Variants in LDLRAD4 observed in about 807,000 individuals in gnomAD.
LDLRAD4 encodes low-density lipoprotein receptor class A domain-containing protein 4.
In LDLRAD4, 5 loss-of-function variants were observed where a neutral mutation model predicts 17.0. That is an observed-to-expected ratio of 0.29 (90% confidence interval 0.15 to 0.62). The LOEUF is 0.62. LDLRAD4 is among the 20% of genes least tolerant of loss of function. The probability of loss-of-function intolerance (pLI) is 0.84; values close to 1 mark genes in which losing one functional copy is unlikely to be tolerated. For missense variants in LDLRAD4, 340 were observed against 424.7 expected (o/e 0.80, Z 1.75); for synonymous variants, 168 against 171.8 (o/e 0.98, Z 0.17).
intron 3 of LDLRAD4, chr18:13,489,261 TCTC>T (rs1327286347): frequency 6.6e-6 from 1 of 151,714 alleles, no homozygotes; most frequent in African/African-American, 2.4e-5. Context: ...TTCAAGCAAT[TCTC>T]CTGCCTCAGC....
chr18:13,253,639 A>G (rs2043346178), intron 1 of LDLRAD4, among the ~76,000 whole-genome samples: 1 of 152,180 alleles, frequency 6.6e-6, no homozygotes. Flanking sequence ...GGGGGGAGGA[A>G]GGAATGCATT....
intron 3 of LDLRAD4, among the ~76,000 whole-genome samples, chr18:13,451,375 G>A (rs1358568501): frequency 1.3e-5 from 2 of 152,030 alleles, no homozygotes; most frequent in Admixed American, 6.6e-5. Context: ...TGGTTGTTCA[G>A]GTGTACGGCA....
chr18:13,280,868 C>T (rs2045228464), intron 1 of LDLRAD4, among the ~76,000 whole-genome samples: 3 of 152,304 alleles, frequency 2.0e-5, no homozygotes, highest in South Asian at 4.1e-4. Context: ...CACACTGGAA[C>T]AATGAAAAAA....
intron 1 of LDLRAD4, among the ~76,000 whole-genome samples, chr18:13,341,857 TAGTTGTGGATTTTTC>T (rs1160545620): frequency 6.6e-6 from 1 of 152,168 alleles, no homozygotes; most frequent in East Asian, 1.9e-4. Flanking sequence ...AGTTTAATGT[TAGTTGTGGATTTTTC>T]ATACATGGCC....
intron 2 of LDLRAD4, among the ~76,000 whole-genome samples, chr18:13,436,457 C>T (rs971102205): frequency 6.6e-6 from 1 of 152,160 alleles, no homozygotes; most frequent in Non-Finnish European, 1.5e-5. Context: ...CCTTTCAAAC[C>T]ACAGCAATGG....
rs1012704497 is a variant in LDLRAD4 at position 13,611,497 on chromosome 18, T to C, written c.182-9620T>C. 8 of 985,056 alleles carry C rather than the reference T, an allele frequency of 8.1e-6. No homozygotes were observed. In the South Asian group the frequency reaches 3.3e-4, roughly 41 times the overall value. The allele number at this position is 985,056 out of a possible 1,614,324, so 61.0% of individuals were successfully genotyped here. A position where few individuals can be genotyped will look rare whatever the true frequency, so the allele number is the denominator to read the frequency against. Reference sequence around the variant, plus strand: ...TGGGGGCATCCGAATGCACGGGAGATGTTTTACACTCAGATGAAACAAACT... The same window carrying C: ...TGGGGGCATCCGAATGCACGGGAGACGTTTTACACTCAGATGAAACAAACT... On this transcript the variant is annotated intron_variant, in intron 3 of 5. Coordinates refer to ENST00000359446, the Ensembl canonical transcript of LDLRAD4.
At chr18:13,438,939 G>A (rs946204123) in intron 3 of LDLRAD4, among the ~76,000 whole-genome samples, 2 of 152,172 alleles carry the variant, frequency 1.3e-5, no homozygotes, top group Non-Finnish European at 2.9e-5. Flanking sequence ...GTTGGTTTTC[G>A]ATCTCATGGT....
At chr18:13,470,618 C>T (rs938021050) in intron 3 of LDLRAD4, among the ~76,000 whole-genome samples, 2 of 149,834 alleles carry the variant, frequency 1.3e-5, no homozygotes, top group Admixed American at 6.7e-5. Flanking sequence ...CAGTCACTGT[C>T]AGTCAGAGGC....
intron 1 of LDLRAD4, among the ~76,000 whole-genome samples, chr18:13,225,249 C>G (rs1246864858): frequency 6.6e-6 from 1 of 152,142 alleles, no homozygotes; most frequent in Non-Finnish European, 1.5e-5. Flanking sequence ...GATTGTGGGA[C>G]CTAAAGGGAG....
intron 3 of LDLRAD4, among the ~76,000 whole-genome samples, chr18:13,568,114 G>C (rs2094632255): frequency 6.6e-6 from 1 of 152,090 alleles, no homozygotes; most frequent in Non-Finnish European, 1.5e-5. Context: ...AGCCAACATG[G>C]CGAAACCTGT....
At chr18:13,268,854 G>T (rs1161647485) in intron 1 of LDLRAD4, among the ~76,000 whole-genome samples, 4 of 152,204 alleles carry the variant, frequency 2.6e-5, no homozygotes, top group African/African-American at 9.6e-5. Flanking sequence ...AGGAGGAAAT[G>T]ATCCTGAGAC....
intron 2 of LDLRAD4, among the ~76,000 whole-genome samples, chr18:13,415,747 A>G (rs1253360942): frequency 1.3e-5 from 2 of 152,170 alleles, no homozygotes; most frequent in Admixed American, 6.5e-5. Context: ...CAGTTCTCCA[A>G]GGAAAAGCCA....
At chr18:13,422,922 T>C (rs1189583300) in intron 2 of LDLRAD4, among the ~76,000 whole-genome samples, 1 of 152,130 alleles carries the variant, frequency 6.6e-6, no homozygotes, top group Non-Finnish European at 1.5e-5. Flanking sequence ...GGCGGAAAGC[T>C]GGTGTTGGGA....
At chr18:13,522,418 A>C (rs769480391) in intron 3 of LDLRAD4, 1 of 151,420 alleles carries the variant, frequency 6.6e-6, no homozygotes, top group Non-Finnish European at 1.5e-5. Context: ...GCTTAAGAGC[A>C]TGCCTTTTAC....
intron 2 of LDLRAD4, among the ~76,000 whole-genome samples, chr18:13,390,447 C>T: frequency 6.6e-6 from 1 of 152,312 alleles, no homozygotes; most frequent in African/African-American, 2.4e-5. Flanking sequence ...CACACGGGTT[C>T]CCTGGGGAGC....
At chr18:13,362,245 C>G (rs2083725603) in intron 1 of LDLRAD4, 1 of 152,232 alleles carries the variant, frequency 6.6e-6, no homozygotes, top group Admixed American at 6.5e-5. Context: ...GTCTGATAGT[C>G]TGTCAGTGTG....
chr18:13,311,874 C>T (rs1158781365), intron 1 of LDLRAD4, among the ~76,000 whole-genome samples: 3 of 150,848 alleles, frequency 2.0e-5, no homozygotes, highest in African/African-American at 7.3e-5. Context: ...CTCTGTTGCC[C>T]AGGCTGGAGT....
At chr18:13,224,829 T>C (rs1466906567) in intron 1 of LDLRAD4, among the ~76,000 whole-genome samples, 1 of 150,038 alleles carries the variant, frequency 6.7e-6, no homozygotes, top group Non-Finnish European at 1.5e-5. Flanking sequence ...TAAGAGTCTC[T>C]CTTTTTTTTT....
intron 1 of LDLRAD4, among the ~76,000 whole-genome samples, chr18:13,302,160 A>G (rs1460210572): frequency 6.6e-6 from 1 of 152,258 alleles, no homozygotes; most frequent in Admixed American, 6.5e-5. Context: ...ACTGGTAATT[A>G]GCATGCCACT....
Sources: allele counts gnomAD v4.1 joint callset (sites outside exome capture counted in the v4.1 genomes callset), GRCh38; gene constraint gnomAD v4.1.1; transcripts MANE v1.5; gene names NCBI Gene and HGNC (gene_info 2026-07-23, HGNC 2026-07-21).